Variants in MKLN1 observed in about 807,000 individuals in gnomAD.
MKLN1 encodes the protein muskelin.
In MKLN1, 18 loss-of-function variants were observed where a neutral mutation model predicts 99.0. The observed-to-expected ratio is 0.18, with a 90% CI of 0.13 to 0.27. The LOEUF (loss-of-function observed/expected upper bound fraction) is 0.27. Among genes scored for constraint, MKLN1 ranks in the 10% least tolerant of loss-of-function variants. The probability of loss-of-function intolerance (pLI) is 1.00; values close to 1 mark genes in which losing one functional copy is unlikely to be tolerated. For missense variants in MKLN1, 621 were observed against 875.9 expected (o/e 0.71, Z 3.67); for synonymous variants, 288 against 293.2 (o/e 0.98, Z 0.18).
At position 131,487,539 on chromosome 7, in the gene MKLN1, G is replaced by T. The variant is rs1797315501; in HGVS notation, c.2087-68G>T. ...CTCCATTATAAAATACATTGCTGCT[G>T]GTCTCAACTAGTTTTTCTGTTACAT... is the stretch of plus-strand genomic sequence containing the variant. On this transcript the variant is annotated intron_variant, in intron 17 of 17. Coordinates refer to ENST00000352689, the MANE Select transcript of MKLN1 (RefSeq NM_013255.5). This position sits in a 1 kb window ranked among gnomAD's most constrained non-coding sequence, Gnocchi z 4.7. The T allele has an allele frequency of 3.9e-6, 6 of 1,524,114 alleles. 1 individual carries two copies. In the East Asian group the frequency reaches 1.4e-4, roughly 36 times the overall value. The allele number at this position is 1,524,114 out of a possible 1,614,324, so 94.4% of individuals were successfully genotyped here.
chr7:131,312,654 C>T (rs945918816), intron 3 of MKLN1, among the ~76,000 whole-genome samples: 1 of 152,116 alleles, frequency 6.6e-6, no homozygotes, highest in Non-Finnish European at 1.5e-5. Flanking sequence ...TGACCAAAGT[C>T]CCCTCTTACG....
intron 2 of MKLN1, among the ~76,000 whole-genome samples, chr7:131,151,179 C>T (rs920149036): frequency 6.6e-6 from 1 of 152,194 alleles, no homozygotes; most frequent in African/African-American, 2.4e-5. Context: ...GTCCTCTCTG[C>T]ATATCCGAAA....
At chr7:131,200,507 T>C (rs544179568) in intron 2 of MKLN1, among the ~76,000 whole-genome samples, 1 of 152,362 alleles carries the variant, frequency 6.6e-6, no homozygotes, top group South Asian at 2.1e-4. Flanking sequence ...TCCCCCTTAC[T>C]TGCATTTGAC....
intron 2 of MKLN1, among the ~76,000 whole-genome samples, chr7:131,200,447 G>T (rs1363352446): frequency 6.6e-6 from 1 of 152,190 alleles, no homozygotes; most frequent in African/African-American, 2.4e-5. Flanking sequence ...CATTGATACT[G>T]ATTATGCAAA....
At chr7:131,164,224 A>C (rs887546917) in intron 2 of MKLN1, among the ~76,000 whole-genome samples, 3 of 152,122 alleles carry the variant, frequency 2.0e-5, no homozygotes, top group Admixed American at 6.6e-5. Flanking sequence ...CAACCCTCCC[A>C]ACTCAGCTTC....
intron 6 of MKLN1, among the ~76,000 whole-genome samples, chr7:131,408,192 C>G (rs1794765936): frequency 6.6e-6 from 1 of 152,098 alleles, no homozygotes; most frequent in Non-Finnish European, 1.5e-5. Context: ...AATCCATACT[C>G]TCTATCTCTA....
chr7:131,176,473 G>A (rs1367841131), intron 2 of MKLN1, among the ~76,000 whole-genome samples: 3 of 152,128 alleles, frequency 2.0e-5, no homozygotes, highest in Non-Finnish European at 4.4e-5. Context: ...GAGCTATAAA[G>A]ATTTCTTGTC....
chr7:131,227,858 G>A (rs1259183451), intron 3 of MKLN1, among the ~76,000 whole-genome samples: 9 of 151,176 alleles, frequency 6.0e-5, no homozygotes, highest in South Asian at 2.1e-4. Context: ...GAGCCACCGC[G>A]CCCGGCCTTC....
chr7:131,305,181 T>C (rs549558498), intron 3 of MKLN1, among the ~76,000 whole-genome samples: 9 of 152,306 alleles, frequency 5.9e-5, no homozygotes, highest in East Asian at 1.9e-4. Flanking sequence ...TACTTTGTTA[T>C]AGAAGCATGA....
chr7:131,395,866 C>G (rs1404008309), intron 4 of MKLN1, among the ~76,000 whole-genome samples: 1 of 151,706 alleles, frequency 6.6e-6, no homozygotes, highest in Non-Finnish European at 1.5e-5. Flanking sequence ...TATGTTCTTT[C>G]ATTTATTCAA....
intron 16 of MKLN1, 187 bp downstream of exon 16, chr7:131,471,131 T>C (rs1796809095): frequency 4.0e-6 from 2 of 500,794 alleles, no homozygotes; most frequent in Admixed American, 7.2e-5. Flanking sequence ...TGTGATAAGA[T>C]TCAAGTCACC....
intron 10 of MKLN1, among the ~76,000 whole-genome samples, chr7:131,440,482 A>G (rs572116878): frequency 2.0e-5 from 3 of 152,340 alleles, no homozygotes; most frequent in Non-Finnish European, 4.4e-5. Context: ...TTACATATGA[A>G]AAACTAAAAA....
intron 17 of MKLN1, among the ~76,000 whole-genome samples, chr7:131,484,731 C>G (rs775734497): frequency 6.6e-6 from 1 of 152,128 alleles, no homozygotes; most frequent in Non-Finnish European, 1.5e-5. Context: ...TGTATACTTT[C>G]AGTGAGGTAT....
chr7:131,252,206 C>T (rs1010501287), intron 3 of MKLN1, among the ~76,000 whole-genome samples: 52 of 152,190 alleles, frequency 3.4e-4, no homozygotes, highest in African/African-American at 1.2e-3. Flanking sequence ...GCATGGTGTC[C>T]ACCACGAAGA....
At chr7:131,139,215 A>G (rs1196592423) in intron 1 of MKLN1, among the ~76,000 whole-genome samples, 1 of 152,162 alleles carries the variant, frequency 6.6e-6, no homozygotes, top group Non-Finnish European at 1.5e-5. Context: ...GGTCTGAAAC[A>G]GTACCCTGGG....
chr7:131,473,808 A>G (rs766389956), intron 16 of MKLN1, among the ~76,000 whole-genome samples: 10 of 152,172 alleles, frequency 6.6e-5, no homozygotes, highest in Admixed American at 1.3e-4. Context: ...TTTAGTGGAG[A>G]AAGACAATAA....
At chr7:131,372,652 TGTTA>T (rs1793499868) in intron 1 of MKLN1, among the ~76,000 whole-genome samples, 1 of 152,012 alleles carries the variant, frequency 6.6e-6, no homozygotes, top group Admixed American at 6.5e-5. Flanking sequence ...AATCCTCCAT[TGTTA>T]GTTTATTTAC....
intron 10 of MKLN1, among the ~76,000 whole-genome samples, chr7:131,438,347 C>T (rs951870335): frequency 6.6e-6 from 1 of 151,380 alleles, no homozygotes; most frequent in African/African-American, 2.4e-5. Context: ...TTCTACATTC[C>T]TGTGAGAAAT....
At chr7:131,476,423 A>G (rs1369776926) in intron 16 of MKLN1, among the ~76,000 whole-genome samples, 1 of 152,210 alleles carries the variant, frequency 6.6e-6, no homozygotes. Flanking sequence ...ACAATATACT[A>G]GGACAAGTGA....
Sources: allele counts gnomAD v4.1 joint callset (sites outside exome capture counted in the v4.1 genomes callset), GRCh38; gene constraint gnomAD v4.1.1; non-coding constraint Gnocchi (gnomAD v3.1); transcripts MANE v1.5; gene names NCBI Gene and HGNC (gene_info 2026-07-23, HGNC 2026-07-21).